The following DUOX1 variants were observed in gnomAD, a reference collection of about 807,000 sequenced individuals.
DUOX1 encodes the protein dual oxidase 1, also known as NADPH thyroid oxidase 1.
Under a neutral mutation model 181.8 loss-of-function variants are expected in DUOX1, and 134 were observed. That is an observed-to-expected ratio of 0.74 (90% CI 0.64 to 0.85). The LOEUF (loss-of-function observed/expected upper bound fraction) is 0.85. Ranked by LOEUF, DUOX1 falls within the 40% of genes least tolerant of loss-of-function variation. The pLI, the probability that DUOX1 is intolerant of heterozygous loss-of-function variation, is 0.00. For synonymous variants in DUOX1, 798 were observed against 832.5 expected (o/e 0.96, Z 0.71); for missense variants, 1,814 against 2,064.4 (o/e 0.88, Z 2.35).
intron 7 of DUOX1, among the ~76,000 whole-genome samples, 168 bp from the exon 8 acceptor site, chr15:45,136,182 C>G (rs540336005): frequency 1.4e-3 from 208 of 152,326 alleles, no homozygotes; most frequent in South Asian, 3.5e-3. Context: ...CTCAAATCCC[C>G]TGGTTCCTTG....
At position 45,136,368 on chromosome 15, in the gene DUOX1, T is replaced by C; in HGVS notation, c.883T>C (p.Trp295Arg). ...CCCTCAGAACATCGCTGTGTATGAG[T>C]GGCTGCCCAGCTTCCTGCAGAAAAC... Reference protein sequence around the residue: ...ATYQNIAVYEWLPSFLQKTLP... With the variant: ...ATYQNIAVYERLPSFLQKTLP... Residue 295 changes from tryptophan to arginine, a missense_variant, in exon 8 of 34, where the codon TGG (tryptophan) becomes CGG (arginine). By Grantham distance (101) the Trp-to-Arg change is moderately radical. This residue lies in a region of DUOX1 where 1,064 missense variants were observed against 1,152.9 expected (regional missense o/e 0.92). Transcript: ENST00000389037. 6.2e-7 allele frequency: 1 copy of C among 1,613,650 alleles called. No individual in the cohort carries two copies. The highest frequency in any genetic ancestry group is 2.2e-5 in the East Asian group (1 of 44,860).
chr15:45,135,615 CT>C lies in DUOX1; in HGVS notation c.638del (p.Leu213ArgfsTer128), dbSNP rs1447020883. 4 of 1,560,052 alleles carry C rather than the reference CT, an allele frequency of 2.6e-6. No individual in the cohort carries two copies. The highest frequency in any genetic ancestry group is 1.4e-5 in the African/African-American group (1 of 73,862). On this transcript the variant is annotated frameshift_variant, in exon 6 of 34. Transcript: ENST00000389037. LOFTEE classifies it high-confidence loss of function. Reference protein sequence around the residue: ...PAFPRDSQNPLLMWAAPDPAT... With the variant: ...PAFPRDSQNPXLMWAAPDPAT... ...TTTTCCCCGAGACTCGCAGAACCCC[CT>C]GCTCATGTGGGCGGCGCCCGACCCC... is the stretch of plus-strand genomic sequence containing the variant.
chr15:45,151,196 T>C lies in DUOX1; in HGVS notation c.2962T>C (p.Cys988Arg). 1 of 1,614,182 alleles carries C rather than the reference T, an allele frequency of 6.2e-7. No individual in the cohort carries two copies. The highest frequency in any genetic ancestry group is 1.1e-5 in the South Asian group (1 of 91,080). Reference protein sequence around the residue: ...ETELTPQRLQCPMDTDPPQEI... With the variant: ...ETELTPQRLQRPMDTDPPQEI... ...TGAGTTGACACCTCAGAGACTGCAG[T>C]GCCCCATGGACACAGACCCTCCCCA... The change falls in exon 23 of 34, where the codon TGC becomes CGC. Residue 988 changes from cysteine to arginine, a missense_variant. By Grantham distance (180) the Cys-to-Arg change is radical. This residue lies in a region of DUOX1 where 1,064 missense variants were observed against 1,152.9 expected (regional missense o/e 0.92). Transcript: ENST00000389037.
chr15:45,131,733 G>A (rs1896155140), intron 1 of DUOX1, 185 bp from the exon 2 acceptor site: 6 of 577,960 alleles, frequency 1.0e-5, no homozygotes, highest in South Asian at 8.1e-5. Flanking sequence ...TGGCTGGTAT[G>A]TAGTGGTGCT....
chr15:45,139,688 A>T lies in DUOX1; in HGVS notation c.1389+89A>T, dbSNP rs1896442787. The T allele has an allele frequency of 8.7e-6, 12 of 1,379,534 alleles. No individual in the cohort carries two copies. The East Asian group carries it at 2.5e-4, about 29-fold the overall frequency. 85.5% of individuals were successfully genotyped at this position (1,379,534 alleles called of 1,614,324 possible). Reference sequence around the variant, plus strand: ...GGAAGATAGGCAGTGAAACTTGAGCACAAGAGACAAGCACCTAATGGGAGG... The same window carrying T: ...GGAAGATAGGCAGTGAAACTTGAGCTCAAGAGACAAGCACCTAATGGGAGG... On this transcript the variant is annotated intron_variant, in intron 12 of 33. Coordinates refer to ENST00000389037, the MANE Select transcript of DUOX1 (RefSeq NM_175940.3).
At chr15:45,132,726 A>G (rs1896185448) in intron 2 of DUOX1, among the ~76,000 whole-genome samples, 2 of 152,156 alleles carry the variant, frequency 1.3e-5, no homozygotes, top group Non-Finnish European at 1.5e-5. Context: ...AGCTACTCAC[A>G]TCCACGTTCC....
intron 27 of DUOX1, among the ~76,000 whole-genome samples, chr15:45,154,665 A>C (rs1025651645): frequency 6.7e-6 from 1 of 149,144 alleles, no homozygotes; most frequent in African/African-American, 2.5e-5. Flanking sequence ...ATTCCTGCAC[A>C]CTGAGATTTA....
At chr15:45,136,756 G>A (rs1446045664) in intron 9 of DUOX1, 131 bp downstream of exon 9, 4 of 791,050 alleles carry the variant, frequency 5.1e-6, no homozygotes, top group African/African-American at 3.5e-5. Flanking sequence ...CGATAGAGAG[G>A]GGAAGAAAAC....
At chr15:45,147,783 C>G in intron 19 of DUOX1, 121 bp from the exon 20 acceptor site, 1 of 1,528,550 alleles carries the variant, frequency 6.5e-7, no homozygotes, top group South Asian at 1.1e-5. Context: ...GGTCAGGAAG[C>G]AGAGCGACCC....
chr15:45,153,511 T>C lies in DUOX1; in HGVS notation c.3524+32T>C, dbSNP rs745852683. 280 of 737,204 alleles carry C rather than the reference T, an allele frequency of 3.8e-4. 4 individuals are homozygous for C. The highest frequency in any genetic ancestry group is 4.9e-4 in the Non-Finnish European group (238 of 484,190). 45.7% of individuals were successfully genotyped at this position (737,204 alleles called of 1,614,324 possible). ...AAGTGCGAATGTGTGTGTGTGTGTG[T>C]GTGTGTGTGTGTGTGTGTGTGTGTG... On this transcript the variant is annotated intron_variant, in intron 26 of 33. Transcript: ENST00000389037.
At position 45,139,522 on chromosome 15, in the gene DUOX1, G is replaced by A; in HGVS notation, c.1312G>A (p.Ala438Thr). 6.2e-7 allele frequency: 1 copy of A among 1,613,592 alleles called. No homozygotes were observed. The highest frequency in any genetic ancestry group is 1.1e-5 in the South Asian group (1 of 90,948). Residue 438 changes from alanine to threonine, a missense_variant, in exon 12 of 34, where the codon GCC becomes ACC. Physicochemically the swap from Ala to Thr is moderately conservative, Grantham distance 58 (BLOSUM62 0). Coordinates refer to ENST00000389037, the MANE Select transcript of DUOX1 (RefSeq NM_175940.3). ...RDLGLPSYTKARAALGLSPIT... is the reference protein window; with the variant it reads ...RDLGLPSYTKTRAALGLSPIT... ...TCTGGGCCTGCCCTCTTACACCAAGGCCAGGGCAGCACTGGGCTTGTCTCC... is the reference window on the plus strand; with the variant it reads ...TCTGGGCCTGCCCTCTTACACCAAGACCAGGGCAGCACTGGGCTTGTCTCC...
chr15:45,134,586 G>T (rs1019512345), intron 4 of DUOX1, among the ~76,000 whole-genome samples: 4 of 152,186 alleles, frequency 2.6e-5, no homozygotes, highest in African/African-American at 4.8e-5. Flanking sequence ...GGTTGTTGGT[G>T]GGGGTAAGGG....
rs773226375 is a variant in DUOX1 at position 45,151,232 on chromosome 15, C to T, written c.2998C>T (p.Arg1000Trp). ...MDTDPPQEIR[R>W]RFGKKVTSFQ... ...CACAGACCCTCCCCAGGAGATTCGG[C>T]GGAGGTTTGGCAAGAAGTATGTCTG... Residue 1000 changes from arginine to tryptophan, a missense_variant, in exon 23 of 34, where the codon CGG becomes TGG. Arg to Trp is a moderately radical substitution (Grantham distance 101). This residue lies in a region of DUOX1 where 1,064 missense variants were observed against 1,152.9 expected (regional missense o/e 0.92). Coordinates refer to ENST00000389037, the MANE Select transcript of DUOX1 (RefSeq NM_175940.3). 28 of 1,613,886 alleles carry T rather than the reference C, an allele frequency of 1.7e-5. No individual in the cohort carries two copies. The highest frequency in any genetic ancestry group is 5.0e-5 in the Admixed American group (3 of 59,968).
intron 4 of DUOX1, 88 bp from the exon 5 acceptor site, chr15:45,135,016 T>C: frequency 2.0e-6 from 3 of 1,513,270 alleles, no homozygotes; most frequent in Non-Finnish European, 2.7e-6. Flanking sequence ...TTTTGAAGCT[T>C]CAGGGGAGGG....
chr15:45,155,699 C>G (rs1436725499), intron 27 of DUOX1, 103 bp from the exon 28 acceptor site: 3 of 1,542,090 alleles, frequency 1.9e-6, no homozygotes, highest in Non-Finnish European at 2.7e-6. Flanking sequence ...GACATTCTTA[C>G]TCCAACTTGG....
intron 21 of DUOX1, 174 bp downstream of exon 21, chr15:45,148,621 C>A (rs898075302): frequency 5.9e-6 from 3 of 504,820 alleles, no homozygotes; most frequent in Admixed American, 4.0e-5. Context: ...TTCTTTATAT[C>A]AACATAATTA....
chr15:45,154,157 G>T (rs1195742678), intron 27 of DUOX1, among the ~76,000 whole-genome samples, 157 bp downstream of exon 27: 1 of 152,188 alleles, frequency 6.6e-6, no homozygotes, highest in African/African-American at 2.4e-5. Context: ...GTGGGCAGGA[G>T]ACTTAGACTA....
intron 28 of DUOX1, among the ~76,000 whole-genome samples, chr15:45,160,142 A>G (rs1223178601): frequency 6.6e-6 from 1 of 151,982 alleles, no homozygotes; most frequent in Non-Finnish European, 1.5e-5. Context: ...ACAGAATGAG[A>G]CTCTGTCCCC....
chr15:45,132,725 C>T (rs1050183548), intron 2 of DUOX1, among the ~76,000 whole-genome samples: 1 of 152,226 alleles, frequency 6.6e-6, no homozygotes, highest in Non-Finnish European at 1.5e-5. Context: ...GAGCTACTCA[C>T]ATCCACGTTC....
Sources: gnomAD v4.1 joint callset for allele counts (sites outside exome capture counted in the v4.1 genomes callset) on GRCh38, gnomAD v4.1.1 for gene constraint, gnomAD v4.1.1 regional missense constraint, MANE v1.5 for transcripts, NCBI Gene and HGNC (gene_info 2026-07-23, HGNC 2026-07-21) for gene names.